ATG5: variants seen among roughly 807,000 people sequenced by gnomAD.
ATG5 encodes the protein autophagy protein 5.
In ATG5, 14 loss-of-function variants were observed where a neutral mutation model predicts 36.5. That is an observed-to-expected ratio of 0.38 (90% CI 0.25 to 0.60). The LOEUF is 0.60. ATG5 is among the 20% of genes least tolerant of loss of function. The pLI is 0.60. For synonymous variants in ATG5, 95 were observed against 101.5 expected (o/e 0.94, Z 0.38); for missense variants, 195 against 326.7 (o/e 0.60, Z 3.11).
At chr6:106,262,360 G>A (rs990549030) in intron 5 of ATG5, among the ~76,000 whole-genome samples, 6 of 152,116 alleles carry the variant, frequency 3.9e-5, no homozygotes, top group South Asian at 2.1e-4. Flanking sequence ...CACTGCACCC[G>A]GCCGGTCTAG....
chr6:106,248,002 C>G, intron 6 of ATG5, 148 bp downstream of exon 6: 1 of 570,558 alleles, frequency 1.8e-6, no homozygotes, highest in Non-Finnish European at 3.1e-6. Flanking sequence ...CGGTATCTGA[C>G]TTGATTGCCA....
At chr6:106,260,678 T>C (rs1248507616) in intron 5 of ATG5, among the ~76,000 whole-genome samples, 1 of 152,214 alleles carries the variant, frequency 6.6e-6, no homozygotes, top group Admixed American at 6.5e-5. Context: ...TTAAATGTGA[T>C]TTTCACATAA....
chr6:106,202,616 T>C (rs1776473298), intron 6 of ATG5, among the ~76,000 whole-genome samples: 1 of 152,194 alleles, frequency 6.6e-6, no homozygotes, highest in Non-Finnish European at 1.5e-5. Context: ...AGAAATTCAT[T>C]GTTCAAGTGT....
intron 2 of ATG5, 55 bp from the exon 3 acceptor site, chr6:106,308,546 A>T: frequency 1.5e-6 from 2 of 1,331,310 alleles, no homozygotes; most frequent in East Asian, 5.5e-5. Flanking sequence ...TTTTTAAAAA[A>T]TACTAAGTAG....
intron 5 of ATG5, among the ~76,000 whole-genome samples, chr6:106,252,176 T>C (rs1582613068): frequency 6.6e-6 from 1 of 152,178 alleles, no homozygotes; most frequent in African/African-American, 2.4e-5. Flanking sequence ...AAATTAAAAC[T>C]AGCAGTCACT....
chr6:106,211,197 T>C (rs753255775), intron 6 of ATG5, among the ~76,000 whole-genome samples: 16 of 152,150 alleles, frequency 1.1e-4, no homozygotes, highest in Non-Finnish European at 2.1e-4. Context: ...GGAGATTCTA[T>C]TCACTGAAAC....
At chr6:106,318,033 T>C (rs1398886666) in intron 1 of ATG5, among the ~76,000 whole-genome samples, 1 of 152,218 alleles carries the variant, frequency 6.6e-6, no homozygotes, top group Non-Finnish European at 1.5e-5. Flanking sequence ...AGAGTTCCTC[T>C]ACTAAAAATA....
chr6:106,314,845 T>C (rs2114677746), intron 2 of ATG5, among the ~76,000 whole-genome samples: 1 of 152,330 alleles, frequency 6.6e-6, no homozygotes, highest in South Asian at 2.1e-4. Context: ...GTGGATGTTT[T>C]TCTAGACAGA....
At chr6:106,229,383 A>T (rs1488608955) in intron 6 of ATG5, among the ~76,000 whole-genome samples, 1 of 152,126 alleles carries the variant, frequency 6.6e-6, no homozygotes, top group African/African-American at 2.4e-5. Context: ...AGAGAGACAG[A>T]GAGAAAGAGA....
At chr6:106,230,960 A>G (rs1040643686) in intron 6 of ATG5, among the ~76,000 whole-genome samples, 2 of 152,178 alleles carry the variant, frequency 1.3e-5, no homozygotes, top group African/African-American at 2.4e-5. Context: ...TTTATGCCCT[A>G]CAGGAAGCCC....
chr6:106,319,625 C>T (rs1438284213), intron 1 of ATG5, among the ~76,000 whole-genome samples: 2 of 152,184 alleles, frequency 1.3e-5, no homozygotes, highest in Admixed American at 6.5e-5. Flanking sequence ...AATAACCTTT[C>T]TTCTACACAT....
intron 6 of ATG5, among the ~76,000 whole-genome samples, chr6:106,239,359 C>T (rs1778020004): frequency 6.6e-6 from 1 of 152,080 alleles, no homozygotes; most frequent in Non-Finnish European, 1.5e-5. Flanking sequence ...AAAGAAATAT[C>T]ATGTTCTTGT....
intron 6 of ATG5, among the ~76,000 whole-genome samples, chr6:106,228,401 C>T (rs1009834281): frequency 2.6e-4 from 40 of 152,156 alleles, no homozygotes; most frequent in Admixed American, 2.2e-3. Flanking sequence ...TGTTCCTACG[C>T]GGCTAAGTGC....
chr6:106,323,991 C>G (rs1249305337), intron 1 of ATG5, among the ~76,000 whole-genome samples: 1 of 152,176 alleles, frequency 6.6e-6, no homozygotes. Context: ...TGGCACCCTT[C>G]TTTATCACCC....
At chr6:106,284,881 T>C (rs1028987421) in intron 4 of ATG5, among the ~76,000 whole-genome samples, 3 of 152,188 alleles carry the variant, frequency 2.0e-5, no homozygotes, top group Non-Finnish European at 2.9e-5. Context: ...ATTTCCATAT[T>C]CCGTATATTA....
chr6:106,271,250 T>C (rs188514541), intron 5 of ATG5, among the ~76,000 whole-genome samples: 5 of 152,364 alleles, frequency 3.3e-5, no homozygotes, highest in African/African-American at 7.2e-5. Context: ...TCTCAAAACA[T>C]ACCTATTGTG....
At chr6:106,283,317 C>T (rs1336135041) in intron 4 of ATG5, 1 of 152,128 alleles carries the variant, frequency 6.6e-6, no homozygotes, top group East Asian at 1.9e-4. Context: ...CACAAGTTGG[C>T]AAGTGTCTCA....
intron 2 of ATG5, among the ~76,000 whole-genome samples, chr6:106,311,719 G>A (rs942211300): frequency 6.6e-6 from 1 of 151,970 alleles, no homozygotes; most frequent in Non-Finnish European, 1.5e-5. Context: ...GCAAGCAAGT[G>A]ACAAGATCAG....
At chr6:106,212,681 G>A (rs952535613) in intron 6 of ATG5, among the ~76,000 whole-genome samples, 1 of 152,098 alleles carries the variant, frequency 6.6e-6, no homozygotes, top group Non-Finnish European at 1.5e-5. Flanking sequence ...AACCCTATTG[G>A]CAATTACTAG....
Sources: gnomAD v4.1 joint callset for allele counts (sites outside exome capture counted in the v4.1 genomes callset) on GRCh38, gnomAD v4.1.1 for gene constraint, MANE v1.5 for transcripts, NCBI Gene and HGNC (gene_info 2026-07-23, HGNC 2026-07-21) for gene names.